SESTD1: variants seen among roughly 807,000 people sequenced by gnomAD.
SESTD1 encodes SEC14 and spectrin domain containing 1, also known as SEC14 domain and spectrin repeat-containing protein 1.
In SESTD1, 43 loss-of-function variants were observed where a neutral mutation model predicts 101.7. The observed-to-expected ratio is 0.42, with a 90% CI of 0.33 to 0.55. The LOEUF (loss-of-function observed/expected upper bound fraction) is 0.55. Ranked by LOEUF, SESTD1 falls within the 20% of genes least tolerant of loss-of-function variation. SESTD1 has a pLI of 0.07. For missense variants in SESTD1, 647 were observed against 815.1 expected, an observed-to-expected ratio of 0.79 and a Z score of 2.51; for synonymous variants, 283 against 286.8, an observed-to-expected ratio of 0.99 and a Z score of 0.13.
intron 1 of SESTD1, among the ~76,000 whole-genome samples, chr2:179,200,454 G>C (rs903099968): frequency 4.1e-4 from 61 of 148,258 alleles, no homozygotes; most frequent in Middle Eastern, 3.5e-3. Flanking sequence ...AAAAGAGCCC[G>C]CATCACCAAG....
At chr2:179,128,461 T>C (rs1428709211) in intron 10 of SESTD1, among the ~76,000 whole-genome samples, 1 of 152,140 alleles carries the variant, frequency 6.6e-6, no homozygotes, top group Admixed American at 6.5e-5. Flanking sequence ...CCGGGCACAG[T>C]GGCTCATGCC....
rs962171110 is a variant in SESTD1, at chr2:179,101,992, T to C, written c.*7907A>G. ...CTTAGTAGCCATTCTGGAACTGCTA[T>C]TGTTTATAGCATGATATGATTGTGT... On this transcript the variant is annotated 3_prime_UTR_variant, in exon 18 of 18. Coordinates refer to ENST00000428443, the MANE Select transcript of SESTD1 (RefSeq NM_178123.5). The C allele has an allele frequency of 1.3e-5, 2 of 152,174 alleles. No individual in the cohort carries two copies. The highest frequency in any genetic ancestry group is 2.9e-5 in the Non-Finnish European group (2 of 68,022). 9.4% of individuals were successfully genotyped at this position (152,174 alleles called of 1,614,324 possible).
At chr2:179,209,990 T>C (rs1212476439) in intron 1 of SESTD1, among the ~76,000 whole-genome samples, 1 of 131,164 alleles carries the variant, frequency 7.6e-6, no homozygotes, top group Non-Finnish European at 1.6e-5. Context: ...AGAGAGAAGA[T>C]CCAAATAAGC....
At chr2:179,138,900 A>T (rs1037651611) in intron 9 of SESTD1, among the ~76,000 whole-genome samples, 17 of 130,758 alleles carry the variant, frequency 1.3e-4, no homozygotes, top group Non-Finnish European at 2.5e-4. Flanking sequence ...AAAAAAAAAA[A>T]TCCTTCCACA....
intron 13 of SESTD1, among the ~76,000 whole-genome samples, 166 bp from the exon 14 acceptor site, chr2:179,117,779 A>G (rs184817737): frequency 1.3e-4 from 20 of 152,322 alleles, no homozygotes; most frequent in African/African-American, 4.3e-4. Context: ...AGGGATATTT[A>G]TATCAATGTT....
At position 179,105,071 on chromosome 2, in the gene SESTD1, T is replaced by G. The variant is rs1358615789; in HGVS notation, c.*4828A>C. The G allele has an allele frequency of 2.0e-5, 3 of 152,156 alleles. No individual in the cohort carries two copies. Among genetic ancestry groups the G allele is most frequent in the African/African-American group, 7.2e-5 (3 of 41,426 alleles). 9.4% of individuals were successfully genotyped at this position (152,156 alleles called of 1,614,324 possible). A position where few individuals can be genotyped will look rare whatever the true frequency, so the allele number is the denominator to read the frequency against. On this transcript the variant is annotated 3_prime_UTR_variant, in exon 18 of 18. Transcript: ENST00000428443. ...CCTTAGTTCTATGCCTCTATTACAG[T>G]ATCAGTCGGCCATTTTCTGTTCATC...
rs190252324 is a variant in SESTD1, at chr2:179,200,637, T to A, written c.-25-8771A>T. Among the ~76,000 whole-genome samples the A allele has an allele frequency of 2.1e-4, 32 of 151,486 alleles. 2 individuals carry two copies. The South Asian group carries it at 5.9e-3, about 28-fold the overall frequency. ...ACGCTGGATATCTACAACTATCTGATCTTTGACAAACCTGAGAAAAACAAG... is the reference window on the plus strand; with the variant it reads ...ACGCTGGATATCTACAACTATCTGAACTTTGACAAACCTGAGAAAAACAAG... On this transcript the variant is annotated intron_variant, in intron 1 of 17. Transcript: ENST00000428443.
chr2:179,132,197 A>G, intron 10 of SESTD1, 107 bp downstream of exon 10: 2 of 1,308,770 alleles, frequency 1.5e-6, no homozygotes, highest in Non-Finnish European at 2.0e-6. Context: ...ACTGTACTTC[A>G]TGCCCCATAC....
chr2:179,191,657 A>G (rs1574022083), intron 2 of SESTD1, 130 bp downstream of exon 2: 2 of 765,030 alleles, frequency 2.6e-6, no homozygotes, highest in East Asian at 2.7e-5. Flanking sequence ...ATTCTGATTT[A>G]AAGATGTCTT....
At chr2:179,132,664 A>G (rs1041046024) in intron 9 of SESTD1, among the ~76,000 whole-genome samples, 2 of 152,248 alleles carry the variant, frequency 1.3e-5, no homozygotes, top group African/African-American at 4.8e-5. Context: ...CAGCTATCTG[A>G]TTATCTTTCA....
chr2:179,238,848 C>A (rs12622222), intron 1 of SESTD1, among the ~76,000 whole-genome samples: 8,416 of 152,178 alleles, frequency 0.055, 318 homozygotes, highest in South Asian at 0.13. Flanking sequence ...TAACTGACCT[C>A]TTTTCTCCTT....
rs530123929 is a variant in SESTD1, at chr2:179,247,340, T to G, written c.-26+17159A>C. On this transcript the variant is annotated intron_variant, in intron 1 of 17. Transcript: ENST00000428443. ...TATTAAAAAATAAATAAATGAAGCA[T>G]AAGTTCTTATAACATTTACAAAAAT... is the stretch of plus-strand genomic sequence containing the variant. 2.6e-5 allele frequency among the ~76,000 whole-genome samples: 4 copies of G among 152,226 alleles called. No individual in the cohort carries two copies. In the South Asian group the frequency reaches 8.3e-4, roughly 32 times the overall value.
chr2:179,226,238 T>C (rs541621767), intron 1 of SESTD1, among the ~76,000 whole-genome samples: 29 of 152,200 alleles, frequency 1.9e-4, no homozygotes, highest in Non-Finnish European at 3.5e-4. Flanking sequence ...CAACATATTC[T>C]AAAGCCCAGT....
chr2:179,222,499 T>G (rs1171394450), intron 1 of SESTD1, among the ~76,000 whole-genome samples: 1 of 152,156 alleles, frequency 6.6e-6, no homozygotes, highest in South Asian at 2.1e-4. Flanking sequence ...GTAACTCCAC[T>G]GAGGCCACCG....
At chr2:179,140,034 G>A (rs143792286) in intron 9 of SESTD1, among the ~76,000 whole-genome samples, 16 of 152,296 alleles carry the variant, frequency 1.1e-4, no homozygotes, top group East Asian at 3.9e-4. Context: ...ATTCTAAAGC[G>A]AATCCCTTCT....
At chr2:179,240,602 C>A (rs2047137617) in intron 1 of SESTD1, among the ~76,000 whole-genome samples, 1 of 151,994 alleles carries the variant, frequency 6.6e-6, no homozygotes, top group Non-Finnish European at 1.5e-5. Context: ...AGTCAAAAGA[C>A]CAGGAAGGAG....
intron 3 of SESTD1, among the ~76,000 whole-genome samples, chr2:179,181,916 G>C (rs897789196): frequency 4.6e-5 from 7 of 150,916 alleles, no homozygotes; most frequent in African/African-American, 1.7e-4. Flanking sequence ...ACTGACTACA[G>C]GTTCTCATCA....
At chr2:179,221,794 T>C (rs1574046397) in intron 1 of SESTD1, among the ~76,000 whole-genome samples, 1 of 151,642 alleles carries the variant, frequency 6.6e-6, no homozygotes, top group Non-Finnish European at 1.5e-5. Flanking sequence ...GGTATGCACC[T>C]GTGTGGTCCC....
chr2:179,111,725 T>TC (rs2044512315), intron 17 of SESTD1, among the ~76,000 whole-genome samples: 1 of 151,260 alleles, frequency 6.6e-6, no homozygotes, highest in Admixed American at 6.6e-5. Context: ...GATTCTTTTT[T>TC]TTTTTTTTTT....
Sources: allele counts gnomAD v4.1 joint callset (sites outside exome capture counted in the v4.1 genomes callset), GRCh38; gene constraint gnomAD v4.1.1; transcripts MANE v1.5; gene names NCBI Gene and HGNC (gene_info 2026-07-23, HGNC 2026-07-21).